Variants in SIPA1L2 observed in about 807,000 individuals in gnomAD.
The protein encoded by SIPA1L2 is signal-induced proliferation-associated 1-like protein 2.
Under a neutral mutation model 163.9 loss-of-function variants are expected in SIPA1L2, and 56 were observed. That is an observed-to-expected ratio of 0.34 (90% CI 0.28 to 0.43). SIPA1L2 has a LOEUF of 0.43. SIPA1L2 is among the 20% of genes least tolerant of loss of function. The pLI is 1.00. For synonymous variants in SIPA1L2, 877 were observed against 865.7 expected, an observed-to-expected ratio of 1.01 and a Z score of -0.23; for missense variants, 1,974 against 2,193.5, an observed-to-expected ratio of 0.90 and a Z score of 2.00.
intron 2 of SIPA1L2, among the ~76,000 whole-genome samples, chr1:232,534,640 T>C (rs544958788): frequency 1.3e-5 from 2 of 152,268 alleles, no homozygotes; most frequent in South Asian, 2.1e-4. Context: ...TTGTAAACCA[T>C]GTATCTGATA....
chr1:232,449,419 G>A (rs1663420909), intron 10 of SIPA1L2, among the ~76,000 whole-genome samples: 1 of 151,634 alleles, frequency 6.6e-6, no homozygotes, highest in Admixed American at 6.6e-5. Context: ...TCGGGAGGCT[G>A]AGGCAGGAGA....
chr1:232,457,065 G>C (rs1306482255), intron 10 of SIPA1L2, among the ~76,000 whole-genome samples: 1 of 152,178 alleles, frequency 6.6e-6, no homozygotes, highest in Non-Finnish European at 1.5e-5. Context: ...CCTTAGGCTG[G>C]CAAATGGGAC....
intron 10 of SIPA1L2, among the ~76,000 whole-genome samples, chr1:232,449,193 T>A (rs375941007): frequency 2.0e-5 from 3 of 152,032 alleles, no homozygotes; most frequent in Admixed American, 6.5e-5. Flanking sequence ...TAAGGTAAAC[T>A]GAGAAATTCT....
intron 2 of SIPA1L2, among the ~76,000 whole-genome samples, chr1:232,538,532 T>C (rs923676949): frequency 6.6e-6 from 1 of 152,162 alleles, no homozygotes; most frequent in Non-Finnish European, 1.5e-5. Context: ...CCACTTTCCA[T>C]TAAAACCTTT....
chr1:232,449,266 C>A (rs1217696283), intron 10 of SIPA1L2, among the ~76,000 whole-genome samples: 1 of 152,050 alleles, frequency 6.6e-6, no homozygotes, highest in Non-Finnish European at 1.5e-5. Flanking sequence ...CGCCTGTAAT[C>A]CCAGCACTTT....
At chr1:232,596,910 G>A (rs10910567) in intron 1 of SIPA1L2, among the ~76,000 whole-genome samples, 4,299 of 152,208 alleles carry the variant, frequency 0.028, 188 homozygotes, top group African/African-American at 0.097. Context: ...CCAGGCCACC[G>A]TGCAGGCAAC....
intron 3 of SIPA1L2, among the ~76,000 whole-genome samples, chr1:232,513,260 C>T (rs1667064685): frequency 6.6e-6 from 1 of 152,116 alleles, no homozygotes; most frequent in African/African-American, 2.4e-5. Flanking sequence ...ATACGTAAAG[C>T]AAAAACCATT....
chr1:232,518,077 C>T (rs545897312), intron 2 of SIPA1L2, among the ~76,000 whole-genome samples: 35 of 152,094 alleles, frequency 2.3e-4, no homozygotes, highest in African/African-American at 8.0e-4. Flanking sequence ...AAATAATATA[C>T]GAAATTAAAA....
intron 7 of SIPA1L2, among the ~76,000 whole-genome samples, chr1:232,479,392 A>G (rs1351906754): frequency 6.6e-6 from 1 of 152,264 alleles, no homozygotes; most frequent in Non-Finnish European, 1.5e-5. Flanking sequence ...GATTTTGCTT[A>G]GCAAGCAATA....
intron 1 of SIPA1L2, among the ~76,000 whole-genome samples, chr1:232,576,646 T>C (rs112096825): frequency 4.1e-4 from 63 of 152,154 alleles, no homozygotes; most frequent in Admixed American, 1.5e-3. Flanking sequence ...GGGGAAGACA[T>C]GTCAAAAGCC....
chr1:232,568,367 G>T (rs995981867), intron 2 of SIPA1L2, among the ~76,000 whole-genome samples: 1 of 152,220 alleles, frequency 6.6e-6, no homozygotes, highest in Admixed American at 6.5e-5. Flanking sequence ...AGTGTTTGCT[G>T]CAGGATTAAT....
At chr1:232,593,932 A>T (rs1202834833) in intron 1 of SIPA1L2, among the ~76,000 whole-genome samples, 1 of 152,188 alleles carries the variant, frequency 6.6e-6, no homozygotes, top group Non-Finnish European at 1.5e-5. Flanking sequence ...CCAGCCTCAA[A>T]GCCACAAGGG....
intron 8 of SIPA1L2, among the ~76,000 whole-genome samples, chr1:232,466,876 A>T (rs920104399): frequency 1.3e-5 from 2 of 152,200 alleles, no homozygotes; most frequent in African/African-American, 2.4e-5. Context: ...TATCACTGGC[A>T]GCATTGAGAG....
Position 232,443,007 on chromosome 1 carries a change from C to T in SIPA1L2, c.3437+595G>A, listed in dbSNP as rs114818454. Among the ~76,000 whole-genome samples the T allele has an allele frequency of 2.9e-3, 447 of 152,326 alleles. 2 individuals are homozygous for T. The highest frequency in any genetic ancestry group is 0.01 in the African/African-American group (419 of 41,574). On this transcript the variant is annotated intron_variant, in intron 12 of 22. Transcript: ENST00000674635. ...CTCAATCAGTGTGACTAGCTCCTAA[C>T]TCCAACCCAAAGCAGCACCAAGTCA...
chr1:232,465,308 T>C lies in SIPA1L2; in HGVS notation c.2352A>G (p.Val784=). ...TATGGGCTGCATTTTCTGCATTGAT[T>C]ACTTTGGCTAAAAGGAAGTCCCGGA... ...AVFRDFLLAK[V]INAENAAHKS... The change falls in exon 9 of 23, where the codon GTA becomes GTG. Residue 784 remains valine, a synonymous_variant. Transcript: ENST00000674635. The surrounding 1 kb of genome is among the most constrained non-coding windows in gnomAD (Gnocchi z 4.1). 3 of 1,614,192 alleles carry C rather than the reference T, an allele frequency of 1.9e-6. No homozygotes were observed. The highest frequency in any genetic ancestry group is 2.5e-6 in the Non-Finnish European group (3 of 1,180,030).
chr1:232,572,710 T>TACACACAC lies in SIPA1L2; in HGVS notation c.-270+1463_-270+1464insGTGTGTGT, dbSNP rs1343714140. Among the ~76,000 whole-genome samples the TACACACAC allele has an allele frequency of 3.0e-3, 231 of 76,002 alleles. 4 individuals are homozygous for TACACACAC. The highest frequency in any genetic ancestry group is 0.011 in the African/African-American group (226 of 20,970). 49.9% of individuals were successfully genotyped at this position (76,002 alleles called of 152,430 possible). A position where few individuals can be genotyped will look rare whatever the true frequency, so the allele number is the denominator to read the frequency against. ...ATATACATACATATATATATATATA[T>TACACACAC]ATATATACACACATATATACATACA... On this transcript the variant is annotated intron_variant, in intron 2 of 22. Coordinates refer to ENST00000674635, the MANE Select transcript of SIPA1L2 (RefSeq NM_020808.5).
intron 9 of SIPA1L2, among the ~76,000 whole-genome samples, chr1:232,463,480 C>T (rs59806150): frequency 0.071 from 10,759 of 152,212 alleles, 658 homozygotes; most frequent in Admixed American, 0.19. Flanking sequence ...GAATATAATT[C>T]CTAAAATATA....
chr1:232,419,040 T>C (rs1558160263), intron 18 of SIPA1L2, among the ~76,000 whole-genome samples: 1 of 152,182 alleles, frequency 6.6e-6, no homozygotes, highest in Non-Finnish European at 1.5e-5. Context: ...AAGGAGTGAT[T>C]AAGTCTTCTG....
chr1:232,566,836 G>A (rs1369237879), intron 2 of SIPA1L2, among the ~76,000 whole-genome samples: 1 of 152,134 alleles, frequency 6.6e-6, no homozygotes, highest in Admixed American at 6.5e-5. Context: ...TGCAGTAATT[G>A]TTTCCTATTA....
Sources: allele counts gnomAD v4.1 joint callset (sites outside exome capture counted in the v4.1 genomes callset), GRCh38; gene constraint gnomAD v4.1.1; non-coding constraint Gnocchi (gnomAD v3.1); transcripts MANE v1.5; gene names NCBI Gene and HGNC (gene_info 2026-07-23, HGNC 2026-07-21).